The following PLCL1 variants were observed in gnomAD, a reference collection of about 807,000 sequenced individuals.
PLCL1 encodes inactive phospholipase C-like protein 1.
Under a neutral mutation model 84.4 loss-of-function variants are expected in PLCL1, and 41 were observed. That is an observed-to-expected ratio of 0.49 (90% CI 0.38 to 0.63). The LOEUF is 0.63. PLCL1 is among the 30% of genes least tolerant of loss of function. The pLI is 0.00. For missense variants in PLCL1, 1,206 were observed against 1,367.8 expected (o/e 0.88, Z 1.87); for synonymous variants, 490 against 488.3 (o/e 1.00, Z -0.05).
chr2:198,046,568 T>G lies in PLCL1; in HGVS notation c.241-37190T>G, dbSNP rs542709873. Among the ~76,000 whole-genome samples, 4 of 152,342 alleles carry G rather than the reference T, an allele frequency of 2.6e-5. No homozygotes were observed. In the South Asian group the frequency reaches 6.2e-4, roughly 24 times the overall value. On this transcript the variant is annotated intron_variant, in intron 1 of 5. Transcript: ENST00000428675. ...ATCAAAAAACCCTTTTCAGGCTCAG[T>G]GGCTCATACCTGTAATCCCAGCAGT... is the stretch of plus-strand genomic sequence containing the variant.
At chr2:197,961,679 G>A (rs1448320708) in intron 1 of PLCL1, among the ~76,000 whole-genome samples, 1 of 151,876 alleles carries the variant, frequency 6.6e-6, no homozygotes, top group Non-Finnish European at 1.5e-5. Flanking sequence ...TTAGGTCCTA[G>A]GGCCATGGCA....
At chr2:198,074,039 G>A (rs1692523233) in intron 1 of PLCL1, among the ~76,000 whole-genome samples, 1 of 152,068 alleles carries the variant, frequency 6.6e-6, no homozygotes, top group South Asian at 2.1e-4. Flanking sequence ...AAACCTACAT[G>A]TATATATTAC....
At chr2:197,820,562 T>G (rs972031413) in intron 1 of PLCL1, among the ~76,000 whole-genome samples, 3 of 152,142 alleles carry the variant, frequency 2.0e-5, no homozygotes, top group African/African-American at 7.2e-5. Flanking sequence ...TTTCATTGCA[T>G]GAAGCCTGTT....
intron 1 of PLCL1, among the ~76,000 whole-genome samples, chr2:197,857,155 A>T (rs920448941): frequency 6.6e-6 from 1 of 151,876 alleles, no homozygotes; most frequent in South Asian, 2.1e-4. Flanking sequence ...TTGGAAATTT[A>T]AAAAAAAGAG....
At chr2:197,939,197 A>G (rs1574959068) in intron 1 of PLCL1, among the ~76,000 whole-genome samples, 1 of 152,234 alleles carries the variant, frequency 6.6e-6, no homozygotes, top group Admixed American at 6.5e-5. Context: ...AGATGTCGGT[A>G]AGTATAAGCA....
At chr2:197,821,911 G>A (rs1458069204) in intron 1 of PLCL1, among the ~76,000 whole-genome samples, 1 of 152,138 alleles carries the variant, frequency 6.6e-6, no homozygotes, top group African/African-American at 2.4e-5. Context: ...TTTGTAATAG[G>A]AGGGAATCAG....
At chr2:198,102,096 C>T (rs58133589) in intron 4 of PLCL1, among the ~76,000 whole-genome samples, 3,292 of 152,126 alleles carry the variant, frequency 0.022, 45 homozygotes, top group African/African-American at 0.04. Context: ...CCCTAGGTGC[C>T]ATATCAACAC....
chr2:197,819,384 AC>A (rs2106418142), intron 1 of PLCL1, among the ~76,000 whole-genome samples: 1 of 152,196 alleles, frequency 6.6e-6, no homozygotes, highest in Non-Finnish European at 1.5e-5. Flanking sequence ...ACTCAAAAGA[AC>A]CCTTCTGATA....
chr2:198,045,242 A>AAGTTAT (rs1201743847), intron 1 of PLCL1, among the ~76,000 whole-genome samples: 1 of 152,132 alleles, frequency 6.6e-6, no homozygotes, highest in Non-Finnish European at 1.5e-5. Flanking sequence ...TTCTCTTAAC[A>AAGTTAT]TTTGTATATA....
chr2:198,046,921 G>A (rs1691817501), intron 1 of PLCL1, among the ~76,000 whole-genome samples: 1 of 152,188 alleles, frequency 6.6e-6, no homozygotes, highest in African/African-American at 2.4e-5. Flanking sequence ...TCACTTTAAT[G>A]TGGTCAGAGT....
intron 1 of PLCL1, among the ~76,000 whole-genome samples, chr2:197,867,932 T>C (rs1687579586): frequency 6.6e-6 from 1 of 152,200 alleles, no homozygotes; most frequent in Non-Finnish European, 1.5e-5. Context: ...TATACCTCTT[T>C]AACCACTGTT....
intron 1 of PLCL1, among the ~76,000 whole-genome samples, chr2:198,040,572 G>C (rs988858362): frequency 6.6e-6 from 1 of 152,126 alleles, no homozygotes; most frequent in African/African-American, 2.4e-5. Context: ...TCTAGAGGAG[G>C]ATCTGAGGAG....
intron 1 of PLCL1, among the ~76,000 whole-genome samples, chr2:197,820,027 G>T (rs1690784444): frequency 6.6e-6 from 1 of 151,958 alleles, no homozygotes; most frequent in Non-Finnish European, 1.5e-5. Context: ...TATTCATCTG[G>T]CTGGAATGGA....
intron 5 of PLCL1, among the ~76,000 whole-genome samples, chr2:198,140,422 G>T (rs1368033116): frequency 6.6e-6 from 1 of 152,130 alleles, no homozygotes; most frequent in South Asian, 2.1e-4. Context: ...TAATACAAAG[G>T]TTTTCTGCTT....
At chr2:197,859,695 A>G (rs192529498) in intron 1 of PLCL1, among the ~76,000 whole-genome samples, 1 of 152,262 alleles carries the variant, frequency 6.6e-6, no homozygotes, top group East Asian at 1.9e-4. Context: ...AATACTTACT[A>G]TTGTGTTATG....
At chr2:198,117,078 T>C (rs1271675289) in intron 5 of PLCL1, among the ~76,000 whole-genome samples, 1 of 151,882 alleles carries the variant, frequency 6.6e-6, no homozygotes, top group Non-Finnish European at 1.5e-5. Context: ...TGAAAAAAAC[T>C]AGAATAAAAC....
chr2:197,897,002 T>C (rs1374075405), intron 1 of PLCL1, among the ~76,000 whole-genome samples: 1 of 152,230 alleles, frequency 6.6e-6, no homozygotes, highest in Admixed American at 6.5e-5. Flanking sequence ...TCATTTTCAT[T>C]AGAAAACTAT....
At chr2:198,068,284 C>T (rs1194640145) in intron 1 of PLCL1, among the ~76,000 whole-genome samples, 1 of 152,018 alleles carries the variant, frequency 6.6e-6, no homozygotes, top group South Asian at 2.1e-4. Flanking sequence ...ATGACTTTAA[C>T]GTTCTTTTTG....
At chr2:197,961,391 A>G (rs1040444343) in intron 1 of PLCL1, among the ~76,000 whole-genome samples, 1 of 152,040 alleles carries the variant, frequency 6.6e-6, no homozygotes, top group African/African-American at 2.4e-5. Context: ...TTTTGAAGAT[A>G]TCAGGATCAT....
Sources: allele counts gnomAD v4.1 joint callset (sites outside exome capture counted in the v4.1 genomes callset), GRCh38; gene constraint gnomAD v4.1.1; transcripts MANE v1.5; gene names NCBI Gene and HGNC (gene_info 2026-07-23, HGNC 2026-07-21).